The following CDKN2B-AS1 variants were observed in gnomAD, a reference collection of about 807,000 sequenced individuals.
CDKN2B-AS1 encodes the protein CDKN2B antisense RNA 1 (non-protein coding).
At chr9:22,106,673 T>G (rs193238757) in intron 4 of CDKN2B-AS1, among the ~76,000 whole-genome samples, 1 of 152,170 alleles carries the variant, frequency 6.6e-6, no homozygotes, top group East Asian at 1.9e-4. Context: ...GCTGTGATTA[T>G]TGATGAACCA....
At chr9:22,010,963 G>T (rs185913339) in intron 1 of CDKN2B-AS1, among the ~76,000 whole-genome samples, 85 of 152,348 alleles carry the variant, frequency 5.6e-4, no homozygotes, top group African/African-American at 1.9e-3. Context: ...AAAGAATGGT[G>T]ATAGGGAAAG....
chr9:22,022,041 C>A lies in CDKN2B-AS1; in HGVS notation n.30-24710C>A, dbSNP rs570784639. Among the ~76,000 whole-genome samples, 6 of 152,164 alleles carry A rather than the reference C, an allele frequency of 3.9e-5. No homozygotes were observed. The East Asian group carries it at 1.2e-3, about 29-fold the overall frequency. On this transcript the variant is annotated intron_variant and non_coding_transcript_variant, in intron 1 of 4. Transcript: ENST00000650946. ...GAGACAGTTTGTTATGATTTCAGTT[C>A]TTTTGCATTTGCTGAGGAGTGTTTT...
At chr9:22,008,566 G>T in intron 1 of CDKN2B-AS1, 1 of 1,170,762 alleles carries the variant, frequency 8.5e-7, no homozygotes, top group Non-Finnish European at 1.2e-6. Context: ...CTCTGATCAT[G>T]AGATGGCAGA....
intron 4 of CDKN2B-AS1, among the ~76,000 whole-genome samples, chr9:22,096,693 G>A (rs1355886402): frequency 6.6e-6 from 1 of 152,146 alleles, no homozygotes; most frequent in African/African-American, 2.4e-5. Context: ...CCCTGGCCCT[G>A]TCCCACTGGC....
At chr9:22,044,726 AT>A (rs1022008089) in intron 1 of CDKN2B-AS1, among the ~76,000 whole-genome samples, 2 of 148,686 alleles carry the variant, frequency 1.3e-5, no homozygotes, top group South Asian at 2.2e-4. Flanking sequence ...TATCCCCATC[AT>A]TTTTTTTTCT....
At position 22,006,942 on chromosome 9, in the gene CDKN2B-AS1, TTCA is replaced by T. The variant is rs1181390715; in HGVS notation, n.29+11786_29+11788del. On this transcript the variant is annotated intron_variant and non_coding_transcript_variant, in intron 1 of 4. Transcript: ENST00000650946. This position sits in a 1 kb window ranked among gnomAD's most constrained non-coding sequence, Gnocchi z 6.4. ...ATAATAAATGATTTTTCCTTAACAGTTCATCATTTTAAATTTAGACTATAATAT... is the reference window on the plus strand; with the variant it reads ...ATAATAAATGATTTTTCCTTAACAGTTCATTTTAAATTTAGACTATAATAT... Among the ~76,000 whole-genome samples the T allele has an allele frequency of 1.4e-4, 21 of 151,814 alleles. No homozygotes were observed. In the East Asian group the frequency reaches 1.7e-3, roughly 12 times the overall value.
At chr9:22,017,823 G>A (rs916203389) in intron 1 of CDKN2B-AS1, among the ~76,000 whole-genome samples, 1 of 145,652 alleles carries the variant, frequency 6.9e-6, no homozygotes, top group Admixed American at 6.7e-5. Flanking sequence ...AAGAGGTGTT[G>A]CATTAGTAAC....
At chr9:22,109,654 T>G (rs1226523360) in intron 4 of CDKN2B-AS1, among the ~76,000 whole-genome samples, 2 of 152,152 alleles carry the variant, frequency 1.3e-5, no homozygotes, top group African/African-American at 4.8e-5. Flanking sequence ...AGAGGCTGAG[T>G]TCTCTGAAAT....
intron 1 of CDKN2B-AS1, among the ~76,000 whole-genome samples, chr9:22,035,883 G>T (rs1423013816): frequency 3.9e-5 from 6 of 152,096 alleles, no homozygotes; most frequent in South Asian, 2.1e-4. Context: ...GAATTAAAGA[G>T]AATTTTTTGA....
intron 4 of CDKN2B-AS1, chr9:22,117,900 T>G (rs1278042177): frequency 1.3e-5 from 2 of 152,202 alleles, no homozygotes; most frequent in Admixed American, 1.3e-4. Flanking sequence ...GTTTACAGAA[T>G]GTATCTGCCT....
intron 4 of CDKN2B-AS1, among the ~76,000 whole-genome samples, chr9:22,068,508 G>GT (rs768050201): frequency 3.9e-5 from 6 of 152,186 alleles, no homozygotes; most frequent in Non-Finnish European, 8.8e-5. Flanking sequence ...CCAAGCCCGA[G>GT]TTTGACAGAG....
chr9:22,030,380 G>C (rs1002058638), intron 1 of CDKN2B-AS1: 1 of 152,138 alleles, frequency 6.6e-6, no homozygotes, highest in Non-Finnish European at 1.5e-5. Context: ...AAGAGTTTGG[G>C]CTAGGAAGAG....
chr9:22,017,181 CT>C (rs1484077077), intron 1 of CDKN2B-AS1, among the ~76,000 whole-genome samples: 7 of 152,160 alleles, frequency 4.6e-5, no homozygotes, highest in African/African-American at 1.7e-4. Context: ...AATCCCAGCA[CT>C]TTGGGAGGCC....
At chr9:22,083,366 T>C (rs1365793728) in intron 4 of CDKN2B-AS1, among the ~76,000 whole-genome samples, 1 of 152,170 alleles carries the variant, frequency 6.6e-6, no homozygotes, top group Non-Finnish European at 1.5e-5. Flanking sequence ...TATGGAATGA[T>C]TTCATTCAAG....
At chr9:22,062,752 G>A (rs187273084) in intron 4 of CDKN2B-AS1, among the ~76,000 whole-genome samples, 176 of 149,128 alleles carry the variant, frequency 1.2e-3, no homozygotes, top group Non-Finnish European at 1.8e-3. Context: ...ATATTGTGTA[G>A]TTTTTTTTTT....
At chr9:22,049,755 T>A (rs569554086) in intron 3 of CDKN2B-AS1, among the ~76,000 whole-genome samples, 1 of 152,342 alleles carries the variant, frequency 6.6e-6, no homozygotes, top group East Asian at 1.9e-4. Context: ...TAAGGCATCA[T>A]GTATAGTATT....
At chr9:22,075,394 A>G (rs532927581) in intron 4 of CDKN2B-AS1, among the ~76,000 whole-genome samples, 5 of 152,350 alleles carry the variant, frequency 3.3e-5, no homozygotes, top group South Asian at 2.1e-4. Context: ...GAGTCATAGT[A>G]TATGATCAAA....
intron 1 of CDKN2B-AS1, among the ~76,000 whole-genome samples, chr9:22,024,894 C>G (rs541504293): frequency 2.6e-4 from 39 of 152,304 alleles, no homozygotes; most frequent in African/African-American, 9.1e-4. Context: ...TGGGCCACCA[C>G]AGCACCCAAG....
At position 22,009,624 on chromosome 9, in the gene CDKN2B-AS1, C is replaced by CA. The variant is rs3217975; in HGVS notation, n.29+14464dup. The stretch of plus-strand genomic sequence containing the variant: ...AGCAGAGGATTTCTGTTCCTTCAGC[C>CA]AGCCAGTTGGTTTCACTGTGGAGAC... On this transcript the variant is annotated intron_variant and non_coding_transcript_variant, in intron 1 of 4. Transcript: ENST00000650946. 9.1e-3 allele frequency among the ~76,000 whole-genome samples: 1,391 copies of CA among 152,354 alleles called. 114 individuals are homozygous for CA. In the East Asian group the frequency reaches 0.2, roughly 22 times the overall value.
Sources: gnomAD v4.1 joint callset for allele counts (sites outside exome capture counted in the v4.1 genomes callset) on GRCh38, gnomAD v4.1.1 for gene constraint, Gnocchi (gnomAD v3.1) non-coding constraint, MANE v1.5 for transcripts, NCBI Gene and HGNC (gene_info 2026-07-23, HGNC 2026-07-21) for gene names.